The following TMTC1 variants were observed in gnomAD, a reference collection of about 807,000 sequenced individuals.
TMTC1 encodes transmembrane O-mannosyltransferase targeting cadherins 1, also known as protein O-mannosyl-transferase TMTC1.
In TMTC1, 73 loss-of-function variants were observed where a neutral mutation model predicts 104.8. The ratio of observed to expected loss-of-function variants is 0.70; its 90% confidence interval spans 0.58 to 0.85. TMTC1 has a LOEUF of 0.85. Among genes scored for constraint, TMTC1 ranks in the 40% least tolerant of loss-of-function variants. TMTC1 has a pLI of 0.00. For synonymous variants in TMTC1, 434 were observed against 428.7 expected, an observed-to-expected ratio of 1.01 and a Z score of -0.15; for missense variants, 1,035 against 1,096.1, an observed-to-expected ratio of 0.94 and a Z score of 0.79.
At chr12:29,614,768 A>T (rs1245804070) in intron 6 of TMTC1, among the ~76,000 whole-genome samples, 2 of 152,368 alleles carry the variant, frequency 1.3e-5, no homozygotes, top group Admixed American at 1.3e-4. Context: ...TCCAATAGTC[A>T]CTAGTTGGGA....
chr12:29,703,113 C>T (rs1293013384), intron 5 of TMTC1, among the ~76,000 whole-genome samples: 1 of 147,272 alleles, frequency 6.8e-6, no homozygotes, highest in Non-Finnish European at 1.5e-5. Context: ...CATTGCAGTC[C>T]AGTCTGGGTG....
intron 1 of TMTC1, among the ~76,000 whole-genome samples, chr12:29,772,380 A>G (rs1565826978): frequency 1.3e-5 from 2 of 152,172 alleles, no homozygotes; most frequent in African/African-American, 2.4e-5. Context: ...TGTACGGTAA[A>G]GAGGAAAGTG....
intron 17 of TMTC1, among the ~76,000 whole-genome samples, chr12:29,509,249 C>G (rs1943768764): frequency 6.6e-6 from 1 of 152,202 alleles, no homozygotes; most frequent in Non-Finnish European, 1.5e-5. Context: ...GTTGATGCAA[C>G]TCTTTGATGA....
At chr12:29,592,567 T>C (rs183720645) in intron 7 of TMTC1, among the ~76,000 whole-genome samples, 325 of 152,324 alleles carry the variant, frequency 2.1e-3, no homozygotes, top group African/African-American at 7.1e-3. Context: ...AATTTTCTTT[T>C]ACTCCTCTCA....
At chr12:29,586,051 T>C (rs1270664942) in intron 7 of TMTC1, among the ~76,000 whole-genome samples, 1 of 152,182 alleles carries the variant, frequency 6.6e-6, no homozygotes, top group Non-Finnish European at 1.5e-5. Flanking sequence ...TTTCACGATA[T>C]TGATTCTTCC....
At chr12:29,705,782 G>C (rs1941723645) in intron 5 of TMTC1, among the ~76,000 whole-genome samples, 1 of 151,870 alleles carries the variant, frequency 6.6e-6, no homozygotes, top group Non-Finnish European at 1.5e-5. Flanking sequence ...TCCCAACTGA[G>C]AACTATGAAG....
chr12:29,576,664 C>T (rs748313026), intron 8 of TMTC1, among the ~76,000 whole-genome samples: 2 of 152,036 alleles, frequency 1.3e-5, no homozygotes, highest in Non-Finnish European at 2.9e-5. Flanking sequence ...TCCAAGGGTA[C>T]AAATTTGCAG....
intron 8 of TMTC1, 74 bp downstream of exon 8, chr12:29,583,333 C>T: frequency 6.9e-7 from 1 of 1,458,566 alleles, no homozygotes; most frequent in South Asian, 1.4e-5. Flanking sequence ...CCCATGTTAC[C>T]TCATTTGTTT....
At chr12:29,561,542 A>G (rs1446343484) in intron 9 of TMTC1, among the ~76,000 whole-genome samples, 1 of 152,220 alleles carries the variant, frequency 6.6e-6, no homozygotes, top group Non-Finnish European at 1.5e-5. Context: ...ACACCCAGTA[A>G]GTGTGTAAGA....
At chr12:29,641,651 A>T (rs1938860021) in intron 5 of TMTC1, among the ~76,000 whole-genome samples, 1 of 152,080 alleles carries the variant, frequency 6.6e-6, no homozygotes, top group Non-Finnish European at 1.5e-5. Context: ...GGAACCAGAA[A>T]ACCGACCCTG....
chr12:29,637,545 T>C (rs1447868558), intron 5 of TMTC1, among the ~76,000 whole-genome samples: 2 of 152,114 alleles, frequency 1.3e-5, no homozygotes, highest in East Asian at 1.9e-4. Context: ...GTAAAGAGGT[T>C]TCATGGCCGA....
At chr12:29,589,601 G>C (rs1473330623) in intron 7 of TMTC1, among the ~76,000 whole-genome samples, 1 of 152,148 alleles carries the variant, frequency 6.6e-6, no homozygotes, top group Non-Finnish European at 1.5e-5. Context: ...CCTCCTTGTA[G>C]GAACAGAGCT....
At chr12:29,585,599 T>A (rs780761926) in intron 7 of TMTC1, among the ~76,000 whole-genome samples, 66 of 152,304 alleles carry the variant, frequency 4.3e-4, no homozygotes, top group Non-Finnish European at 1.9e-4. Flanking sequence ...CTTTAATCCA[T>A]CTTGAATTAA....
intron 5 of TMTC1, among the ~76,000 whole-genome samples, chr12:29,665,562 G>A (rs1453227516): frequency 6.6e-6 from 1 of 152,138 alleles, no homozygotes; most frequent in Non-Finnish European, 1.5e-5. Flanking sequence ...ATAATCTTGA[G>A]AACTAAATAA....
chr12:29,725,001 T>C (rs1269438172), intron 5 of TMTC1, among the ~76,000 whole-genome samples: 1 of 146,368 alleles, frequency 6.8e-6, no homozygotes, highest in Non-Finnish European at 1.5e-5. Context: ...TTTAGCTATA[T>C]ATCTGCCAAG....
intron 5 of TMTC1, among the ~76,000 whole-genome samples, chr12:29,650,925 C>T (rs914740010): frequency 2.6e-5 from 4 of 152,270 alleles, no homozygotes; most frequent in South Asian, 4.2e-4. Context: ...AGAAAGAAAA[C>T]GATCTTCTTC....
intron 5 of TMTC1, among the ~76,000 whole-genome samples, chr12:29,634,618 A>G (rs1032584428): frequency 6.6e-6 from 1 of 152,188 alleles, no homozygotes; most frequent in Non-Finnish European, 1.5e-5. Flanking sequence ...TGTGTTTGTC[A>G]ACTTATTTGG....
intron 10 of TMTC1, among the ~76,000 whole-genome samples, chr12:29,549,399 A>C (rs1173433322): frequency 1.3e-5 from 2 of 152,156 alleles, no homozygotes; most frequent in East Asian, 3.8e-4. Context: ...ACTTACTGGA[A>C]GGAGGTATGG....
chr12:29,633,274 A>G lies in TMTC1; in HGVS notation c.1001T>C (p.Leu334Pro). 1 of 1,614,006 alleles carries G rather than the reference A, an allele frequency of 6.2e-7. No homozygotes were observed. The highest frequency in any genetic ancestry group is 8.5e-7 in the Non-Finnish European group (1 of 1,179,966). ...NVWLLLAPVT[L>P]CYDWQVGSIP... is the part of the protein sequence containing the mutation. ...ACTGCCGACCTGCCAGTCATAGCAC[A>G]GGGTCACGGGTGCAAGCAGAAGCCA... Residue 334 changes from leucine to proline, a missense_variant, in exon 6 of 18, where the codon CTG becomes CCG. Leu to Pro is a moderately conservative substitution (Grantham distance 98, BLOSUM62 -3). Transcript: ENST00000539277.
Sources: gnomAD v4.1 joint callset for allele counts (sites outside exome capture counted in the v4.1 genomes callset) on GRCh38, gnomAD v4.1.1 for gene constraint, MANE v1.5 for transcripts, NCBI Gene and HGNC (gene_info 2026-07-23, HGNC 2026-07-21) for gene names.